Variants in CCDC33 observed in about 807,000 individuals in gnomAD.
CCDC33 encodes the protein coiled-coil domain containing 33.
Under a neutral mutation model 91.9 loss-of-function variants are expected in CCDC33, and 94 were observed. The ratio of observed to expected loss-of-function variants is 1.02; its 90% CI spans 0.87 to 1.21. The LOEUF (loss-of-function observed/expected upper bound fraction) is 1.21, where lower values mean the gene tolerates loss of function less well. Ranked by LOEUF, CCDC33 falls within the 50% of genes most tolerant of loss-of-function variation. The pLI is 0.00. For synonymous variants in CCDC33, 396 were observed against 374.5 expected (o/e 1.06, Z -0.66); for missense variants, 940 against 935.5 (o/e 1.00, Z -0.06).
rs567567924 is a variant in CCDC33 at position 74,203,041 on chromosome 15, C to G, written n.32C>G. 7 of 985,912 alleles carry G rather than the reference C, an allele frequency of 7.1e-6. No individual in the cohort carries two copies. In the South Asian group the frequency reaches 3.3e-4, roughly 46 times the overall value. 61.1% of individuals were successfully genotyped at this position (985,912 alleles called of 1,614,324 possible). ...CTGCCCCAGAGCTCCCAAGCCCCTGCCCGCCACATCTGCAGTGCCGCACAC... is the reference window on the plus strand; with the variant it reads ...CTGCCCCAGAGCTCCCAAGCCCCTGGCCGCCACATCTGCAGTGCCGCACAC... On this transcript the variant is annotated non_coding_transcript_exon_variant, in exon 1 of 4. Transcript: ENST00000558645.
At chr15:74,325,864 C>G (rs1267706631) in intron 11 of CCDC33, among the ~76,000 whole-genome samples, 1 of 152,138 alleles carries the variant, frequency 6.6e-6, no homozygotes, top group Non-Finnish European at 1.5e-5. Flanking sequence ...TTACCCCCAA[C>G]ACACCCTCCC....
intron 11 of CCDC33, among the ~76,000 whole-genome samples, chr15:74,299,049 C>T (rs751098123): frequency 7.0e-4 from 107 of 152,138 alleles, no homozygotes; most frequent in Admixed American, 2.6e-4. Context: ...CCATTGTGAG[C>T]GACAGAGGAG....
At chr15:74,246,764 G>T (rs372266045) in intron 2 of CCDC33, among the ~76,000 whole-genome samples, 5 of 152,274 alleles carry the variant, frequency 3.3e-5, no homozygotes, top group Admixed American at 3.3e-4. Flanking sequence ...CAGCACGGAG[G>T]TTCCTCAAGA....
intron 1 of CCDC33, among the ~76,000 whole-genome samples, chr15:74,237,360 A>T (rs2075197380): frequency 2.0e-5 from 3 of 152,198 alleles, no homozygotes. Context: ...AAACAGTTGA[A>T]TGTAAGGGAC....
intron 2 of CCDC33, among the ~76,000 whole-genome samples, chr15:74,248,609 G>A (rs775667152): frequency 2.0e-5 from 3 of 152,164 alleles, no homozygotes; most frequent in Admixed American, 6.5e-5. Context: ...AGAACTGTTC[G>A]TTCATTCATC....
In CCDC33 at chr15:74,241,376, T is replaced by A. The variant is rs143564871; in HGVS notation, c.22-2609T>A. Among the ~76,000 whole-genome samples, 665 of 152,254 alleles carry A rather than the reference T, an allele frequency of 4.4e-3. 4 individuals are homozygous for A. Among genetic ancestry groups the A allele is most frequent in the African/African-American group, 0.016 (645 of 41,530 alleles). On this transcript the variant is annotated intron_variant, in intron 1 of 18. Coordinates refer to ENST00000398814, the MANE Select transcript of CCDC33 (RefSeq NM_025055.5). Reference sequence around the variant, plus strand: ...GGGGAGCAAGGCACAGGGATGACAGTTCTGGAGTGACACCCAGGGTGGAGC... The same window carrying A: ...GGGGAGCAAGGCACAGGGATGACAGATCTGGAGTGACACCCAGGGTGGAGC...
chr15:74,256,251 A>G (rs1004330754), intron 2 of CCDC33, among the ~76,000 whole-genome samples: 3 of 152,182 alleles, frequency 2.0e-5, no homozygotes, highest in Non-Finnish European at 4.4e-5. Context: ...TGTCTGAGCC[A>G]GGGAGTGGCC....
Position 74,209,165 on chromosome 15 carries a change from G to A in CCDC33, n.90-223G>A, listed in dbSNP as rs1166699235. The A allele has an allele frequency of 1.2e-5, 16 of 1,290,732 alleles. No individual in the cohort carries two copies. In the East Asian group the frequency reaches 2.5e-4, roughly 20 times the overall value. 80.0% of individuals were successfully genotyped at this position (1,290,732 alleles called of 1,614,324 possible). On this transcript the variant is annotated intron_variant and non_coding_transcript_variant, in intron 1 of 3. Coordinates refer to the CCDC33 transcript ENST00000558645. The stretch of plus-strand genomic sequence containing the variant: ...CCATCTCCAGCTCAGGCACAGAGCA[G>A]GGGCTGGGGCCCCACACAACACACA...
At chr15:74,288,610 G>A (rs74518814) in intron 10 of CCDC33, among the ~76,000 whole-genome samples, 1 of 152,268 alleles carries the variant, frequency 6.6e-6, no homozygotes, top group East Asian at 1.9e-4. Context: ...CCTCCCTGCT[G>A]TTCTATACTG....
chr15:74,221,875 G>A (rs906146632), intron 2 of CCDC33, among the ~76,000 whole-genome samples: 1 of 152,116 alleles, frequency 6.6e-6, no homozygotes, highest in Non-Finnish European at 1.5e-5. Flanking sequence ...GCTGCCTCCT[G>A]TCACCTCTTG....
chr15:74,215,553 A>G (rs1187069695), upstream of CCDC33, among the ~76,000 whole-genome samples: 5 of 151,946 alleles, frequency 3.3e-5, no homozygotes, highest in Admixed American at 1.3e-4. Flanking sequence ...ATTTTTTTTT[A>G]AAAAGTAACT....
At chr15:74,240,831 G>T (rs1236444461) in intron 1 of CCDC33, among the ~76,000 whole-genome samples, 2 of 152,184 alleles carry the variant, frequency 1.3e-5, no homozygotes, top group East Asian at 3.9e-4. Flanking sequence ...AGCCTCCAGT[G>T]ATTTGCCCGC....
intron 11 of CCDC33, among the ~76,000 whole-genome samples, chr15:74,310,553 A>G (rs1456946742): frequency 6.6e-6 from 1 of 150,562 alleles, no homozygotes; most frequent in Non-Finnish European, 1.5e-5. Context: ...AAAAAAAAAA[A>G]GAAATTTGAA....
intron 11 of CCDC33, among the ~76,000 whole-genome samples, chr15:74,329,226 T>C (rs1345479542): frequency 6.6e-6 from 1 of 152,164 alleles, no homozygotes; most frequent in Admixed American, 6.5e-5. Flanking sequence ...GGGATTGCAC[T>C]GATCATTCCT....
chr15:74,238,676 G>T (rs1388096180), intron 1 of CCDC33, among the ~76,000 whole-genome samples: 1 of 152,126 alleles, frequency 6.6e-6, no homozygotes, highest in East Asian at 1.9e-4. Context: ...CCTTTTTAAT[G>T]ATTTCTGACT....
intron 11 of CCDC33, among the ~76,000 whole-genome samples, chr15:74,323,620 C>T (rs1363881191): frequency 1.3e-5 from 2 of 152,108 alleles, no homozygotes; most frequent in Non-Finnish European, 2.9e-5. Flanking sequence ...CTCCGCCTCC[C>T]GGGTTCAAGT....
At position 74,335,237 on chromosome 15, in the gene CCDC33, C is replaced by T. The variant is rs938641587; in HGVS notation, c.2139+149C>T. ...GGAGTCCTAGGCTCCCATTCCTGCT[C>T]CATTACCAACCGAAGGCTCGGTCTT... is the stretch of plus-strand genomic sequence containing the variant. On this transcript the variant is annotated intron_variant, in intron 18 of 18. Transcript: ENST00000398814. 9 of 759,624 alleles carry T rather than the reference C, an allele frequency of 1.2e-5. No individual in the cohort carries two copies. The African/African-American group carries it at 1.2e-4, about 10-fold the overall frequency. 47.1% of individuals were successfully genotyped at this position (759,624 alleles called of 1,614,324 possible). A position where few individuals can be genotyped will look rare whatever the true frequency, so the allele number is the denominator to read the frequency against.
chr15:74,299,126 A>G (rs1195761833), intron 11 of CCDC33, among the ~76,000 whole-genome samples: 1 of 152,198 alleles, frequency 6.6e-6, no homozygotes, highest in African/African-American at 2.4e-5. Context: ...GTGATACCCC[A>G]TACCCACAGA....
At chr15:74,334,835 G>A in intron 17 of CCDC33, 140 bp from the exon 18 acceptor site, 1 of 712,610 alleles carries the variant, frequency 1.4e-6, no homozygotes, top group Non-Finnish European at 2.5e-6. Context: ...CACCCCTGAG[G>A]TCTCGGGAAG....
Sources: gnomAD v4.1 joint callset for allele counts (sites outside exome capture counted in the v4.1 genomes callset) on GRCh38, gnomAD v4.1.1 for gene constraint, MANE v1.5 for transcripts, NCBI Gene and HGNC (gene_info 2026-07-23, HGNC 2026-07-21) for gene names.